The following CTNNA2 variants were observed in gnomAD, a reference collection of about 807,000 sequenced individuals.
The protein encoded by CTNNA2 is catenin alpha 2, also known as catenin alpha-2.
CTNNA2 carries 42 observed loss-of-function variants against 101.0 expected under a neutral mutation model. The ratio of observed to expected loss-of-function variants is 0.42; its 90% CI spans 0.32 to 0.54. CTNNA2 has a LOEUF of 0.54. CTNNA2 is among the 20% of genes least tolerant of loss of function. The pLI, the probability that CTNNA2 is intolerant of heterozygous loss-of-function variation, is 0.14. For synonymous variants in CTNNA2, 450 were observed against 456.4 expected (o/e 0.99, Z 0.18); for missense variants, 871 against 1,223.1 (o/e 0.71, Z 4.29).
At chr2:79,679,501 GTC>G (rs1683411418) in intron 2 of CTNNA2, among the ~76,000 whole-genome samples, 1 of 151,874 alleles carries the variant, frequency 6.6e-6, no homozygotes. Context: ...CTGCTCTGGA[GTC>G]TCTGCCCTGT....
At chr2:79,305,452 T>A (rs1676218107) in intron 2 of CTNNA2, among the ~76,000 whole-genome samples, 1 of 150,616 alleles carries the variant, frequency 6.6e-6, no homozygotes, top group Non-Finnish European at 1.5e-5. Flanking sequence ...GATCCTAGAG[T>A]TTGTGTTACT....
At chr2:80,438,954 C>T (rs551124483) in intron 9 of CTNNA2, among the ~76,000 whole-genome samples, 1 of 152,316 alleles carries the variant, frequency 6.6e-6, no homozygotes, top group South Asian at 2.1e-4. Context: ...CTAGCCTGAG[C>T]AGCTGCCATT....
At chr2:79,764,094 G>A (rs571581566) in intron 3 of CTNNA2, among the ~76,000 whole-genome samples, 17 of 152,262 alleles carry the variant, frequency 1.1e-4, no homozygotes, top group African/African-American at 4.1e-4. Flanking sequence ...ACATAGGAGG[G>A]AAAACAGACC....
At chr2:79,391,576 C>T (rs1429312381) in intron 4 of CTNNA2, among the ~76,000 whole-genome samples, 1 of 152,102 alleles carries the variant, frequency 6.6e-6, no homozygotes, top group Non-Finnish European at 1.5e-5. Flanking sequence ...GCACCCCTAA[C>T]CCCTGCATGG....
At chr2:79,591,061 G>T (rs1183862312) in intron 1 of CTNNA2, among the ~76,000 whole-genome samples, 1 of 152,108 alleles carries the variant, frequency 6.6e-6, no homozygotes, top group African/African-American at 2.4e-5. Flanking sequence ...ATATCTTTAT[G>T]TTGGTGTACA....
intron 7 of CTNNA2, among the ~76,000 whole-genome samples, chr2:80,113,703 T>C (rs1701349650): frequency 6.6e-6 from 1 of 152,228 alleles, no homozygotes; most frequent in South Asian, 2.1e-4. Context: ...ACAGAAAAAG[T>C]ATGGGACCCT....
chr2:79,309,836 T>G (rs73938177), intron 2 of CTNNA2, among the ~76,000 whole-genome samples: 13,044 of 152,210 alleles, frequency 0.086, 602 homozygotes, highest in African/African-American at 0.1. Flanking sequence ...ACTATAATTT[T>G]TAACACTCAT....
chr2:79,696,575 T>C (rs1573710164), intron 2 of CTNNA2, among the ~76,000 whole-genome samples: 2 of 152,130 alleles, frequency 1.3e-5, no homozygotes, highest in East Asian at 1.9e-4. Context: ...CATCCTTGAT[T>C]TGGAGGGTCT....
intron 2 of CTNNA2, among the ~76,000 whole-genome samples, chr2:79,219,145 C>T (rs1674307935): frequency 6.6e-6 from 1 of 152,112 alleles, no homozygotes; most frequent in Non-Finnish European, 1.5e-5. Flanking sequence ...CCTTCACATT[C>T]TAAGAAAACA....
chr2:79,784,759 AATAT>A (rs141251255), intron 3 of CTNNA2, among the ~76,000 whole-genome samples: 36,259 of 149,096 alleles, frequency 0.24, 5,109 homozygotes, highest in African/African-American at 0.38. Flanking sequence ...CAGAGAATGA[AATAT>A]ATATATATAT....
chr2:80,555,661 G>A, intron 11 of CTNNA2, 32 bp from the exon 12 acceptor site: 1 of 1,327,076 alleles, frequency 7.5e-7, no homozygotes, highest in Non-Finnish European at 1.0e-6. Context: ...GTTATGTAAA[G>A]TCATCTAAAT....
rs541212562 is a variant in CTNNA2, at chr2:80,351,274, G to A, written c.1057-41937G>A. The stretch of plus-strand genomic sequence containing the variant: ...CCCCACATAGGCAGAGTGGCTTTTT[G>A]AACTAGGAAGCATTTTGTTGTCTGG... On this transcript the variant is annotated intron_variant, in intron 7 of 18. Coordinates refer to ENST00000402739, the MANE Select transcript of CTNNA2 (RefSeq NM_001282597.3). Among the ~76,000 whole-genome samples the A allele has an allele frequency of 4.6e-4, 70 of 152,114 alleles. No homozygotes were observed. The South Asian group carries it at 0.011, about 23-fold the overall frequency.
At chr2:80,091,625 C>T (rs1699799681) in intron 7 of CTNNA2, among the ~76,000 whole-genome samples, 1 of 152,022 alleles carries the variant, frequency 6.6e-6, no homozygotes, top group Non-Finnish European at 1.5e-5. Flanking sequence ...GGGACCAAGT[C>T]AGACTGAAGG....
At chr2:79,825,936 C>A (rs1179007866) in intron 3 of CTNNA2, among the ~76,000 whole-genome samples, 1 of 152,120 alleles carries the variant, frequency 6.6e-6, no homozygotes, top group East Asian at 1.9e-4. Flanking sequence ...CATAGTAATG[C>A]TGTATCTTAT....
chr2:79,376,991 G>C (rs1360527531), intron 4 of CTNNA2, among the ~76,000 whole-genome samples: 1 of 151,896 alleles, frequency 6.6e-6, no homozygotes, highest in Non-Finnish European at 1.5e-5. Flanking sequence ...AATCCTTTGG[G>C]TATATACCCA....
At chr2:79,507,204 T>C (rs1422644607) in intron 5 of CTNNA2, among the ~76,000 whole-genome samples, 3 of 152,190 alleles carry the variant, frequency 2.0e-5, no homozygotes, top group Non-Finnish European at 4.4e-5. Context: ...CGAAAGTCTC[T>C]TTGAGTTCTA....
At chr2:79,530,549 C>A (rs904243769) in intron 1 of CTNNA2, among the ~76,000 whole-genome samples, 1 of 151,874 alleles carries the variant, frequency 6.6e-6, no homozygotes, top group Non-Finnish European at 1.5e-5. Context: ...TTCCAAGTTT[C>A]CATTGTTTCC....
chr2:79,651,400 C>T (rs1573575896), intron 1 of CTNNA2, among the ~76,000 whole-genome samples, 152 bp from the exon 2 acceptor site: 2 of 152,246 alleles, frequency 1.3e-5, no homozygotes, highest in East Asian at 3.9e-4. Context: ...GTGTACTGGT[C>T]TGGTTTTTCC....
chr2:79,690,870 G>T (rs554209879), intron 2 of CTNNA2, among the ~76,000 whole-genome samples: 2 of 151,944 alleles, frequency 1.3e-5, no homozygotes, highest in African/African-American at 4.8e-5. Flanking sequence ...TATACATGGG[G>T]TTAACAGGTT....
Sources: gnomAD v4.1 joint callset for allele counts (sites outside exome capture counted in the v4.1 genomes callset) on GRCh38, gnomAD v4.1.1 for gene constraint, MANE v1.5 for transcripts, NCBI Gene and HGNC (gene_info 2026-07-23, HGNC 2026-07-21) for gene names.